Variants in SYT1 observed in about 807,000 individuals in gnomAD.
SYT1 encodes synaptotagmin 1.
In SYT1, 8 loss-of-function variants were observed where a neutral mutation model predicts 44.8. The ratio of observed to expected loss-of-function variants is 0.18; its 90% CI spans 0.10 to 0.32. SYT1 has a LOEUF of 0.32. Among genes scored for constraint, SYT1 ranks in the 10% least tolerant of loss-of-function variants. The probability of loss-of-function intolerance (pLI) is 1.00; values close to 1 mark genes in which losing one functional copy is unlikely to be tolerated. For synonymous variants in SYT1, 154 were observed against 188.8 expected (o/e 0.82, Z 1.51); for missense variants, 286 against 509.3 (o/e 0.56, Z 4.22).
chr12:79,444,722 A>C (rs1870609987), intron 10 of SYT1, among the ~76,000 whole-genome samples: 1 of 152,158 alleles, frequency 6.6e-6, no homozygotes, highest in Non-Finnish European at 1.5e-5. Context: ...TCTGAGTTGG[A>C]ATGGATGGCT....
At chr12:79,114,951 T>C (rs1290526592) in intron 3 of SYT1, among the ~76,000 whole-genome samples, 3 of 152,204 alleles carry the variant, frequency 2.0e-5, no homozygotes, top group African/African-American at 7.2e-5. Flanking sequence ...TGTTAGTATA[T>C]GCAATTATTC....
chr12:79,056,616 G>A (rs1874965218), intron 3 of SYT1, among the ~76,000 whole-genome samples: 1 of 151,966 alleles, frequency 6.6e-6, no homozygotes, highest in Admixed American at 6.6e-5. Flanking sequence ...CCAAACTCTA[G>A]ACTGAACAGA....
chr12:79,121,603 C>T (rs61927272), intron 3 of SYT1, among the ~76,000 whole-genome samples: 12,840 of 152,252 alleles, frequency 0.084, 617 homozygotes, highest in Middle Eastern at 0.12. Context: ...CACCCCATAA[C>T]CTGCTCCCAT....
chr12:79,003,025 A>T (rs535050478), intron 2 of SYT1, among the ~76,000 whole-genome samples: 2 of 152,170 alleles, frequency 1.3e-5, no homozygotes, highest in East Asian at 1.9e-4. Flanking sequence ...TGTTTAACAG[A>T]TCACAACAAT....
intron 3 of SYT1, among the ~76,000 whole-genome samples, chr12:79,092,181 T>C (rs1364978359): frequency 6.6e-6 from 1 of 151,896 alleles, no homozygotes; most frequent in Non-Finnish European, 1.5e-5. Context: ...TAATTATTTA[T>C]CCAAGATATC....
At chr12:79,217,810 G>T in intron 4 of SYT1, 125 bp downstream of exon 4, 2 of 647,280 alleles carry the variant, frequency 3.1e-6, no homozygotes, top group East Asian at 3.4e-5. Context: ...CTATGGGAAT[G>T]ATAGTATCCC....
chr12:79,082,299 C>T (rs919518196), intron 3 of SYT1, among the ~76,000 whole-genome samples: 24 of 152,108 alleles, frequency 1.6e-4, no homozygotes, highest in African/African-American at 5.8e-4. Flanking sequence ...ACCCATCTCC[C>T]ACTCAACAGT....
chr12:79,030,011 G>A (rs1872740494), intron 2 of SYT1, among the ~76,000 whole-genome samples: 1 of 150,894 alleles, frequency 6.6e-6, no homozygotes, highest in Admixed American at 6.6e-5. Flanking sequence ...AGTCAATCAT[G>A]TTTTCTCTTC....
chr12:78,990,205 C>CT (rs1869924388), intron 2 of SYT1, among the ~76,000 whole-genome samples: 3 of 152,198 alleles, frequency 2.0e-5, no homozygotes, highest in South Asian at 4.1e-4. Flanking sequence ...TGTGAGAGGG[C>CT]TTAATGGGTA....
chr12:79,041,571 C>G (rs1240229661), intron 2 of SYT1, among the ~76,000 whole-genome samples: 1 of 152,192 alleles, frequency 6.6e-6, no homozygotes, highest in African/African-American at 2.4e-5. Context: ...CGTCTGCAAA[C>G]AGGGACAGTT....
intron 3 of SYT1, among the ~76,000 whole-genome samples, chr12:79,192,924 A>G (rs943517125): frequency 1.3e-5 from 2 of 152,166 alleles, no homozygotes; most frequent in Non-Finnish European, 2.9e-5. Flanking sequence ...TGGATTCTCT[A>G]CAATCAAGTG....
At chr12:79,327,070 T>C (rs1031724139) in intron 8 of SYT1, among the ~76,000 whole-genome samples, 1 of 152,038 alleles carries the variant, frequency 6.6e-6, no homozygotes, top group Non-Finnish European at 1.5e-5. Flanking sequence ...AAACAAGAAC[T>C]GGATAATAAT....
intron 3 of SYT1, among the ~76,000 whole-genome samples, chr12:79,075,656 T>C (rs1876590776): frequency 6.6e-6 from 1 of 152,166 alleles, no homozygotes; most frequent in Non-Finnish European, 1.5e-5. Flanking sequence ...CTATTTGATC[T>C]TGAAGGTCAC....
rs114010154 is a variant in SYT1, at chr12:78,927,417, G to A, written c.-216-50382G>A. ...TTTCAACTTTCTAAACAATTGAACT[G>A]TAAATTTTACTGTAAGATTAGTGTG... On this transcript the variant is annotated intron_variant, in intron 1 of 10. Transcript: ENST00000261205. Among the ~76,000 whole-genome samples the A allele has an allele frequency of 1.1e-3, 174 of 152,180 alleles. 1 individual carries two copies. Among genetic ancestry groups the A allele is most frequent in the African/African-American group, 4.0e-3 (167 of 41,548 alleles).
chr12:79,449,083 G>A lies in SYT1; in HGVS notation c.1228G>A (p.Val410Ile), dbSNP rs752964530. The change falls in exon 11 of 11, where the codon GTA (valine) becomes ATA (isoleucine). Residue 410 changes from valine (V) to isoleucine (I), a missense_variant. This residue lies in a region of SYT1 where 34 missense variants were observed against 59.0 expected (regional missense o/e 0.58). Coordinates refer to ENST00000261205, the MANE Select transcript of SYT1 (RefSeq NM_005639.3). ...RPIAQWHTLQ[V>I]EEEVDAMLAV... The stretch of plus-strand genomic sequence containing the variant: ...TATTGCCCAGTGGCACACCCTGCAG[G>A]TAGAGGAGGAAGTTGATGCCATGCT... 5 of 1,613,984 alleles carry A rather than the reference G, an allele frequency of 3.1e-6. No individual in the cohort carries two copies. The highest frequency in any genetic ancestry group is 3.3e-5 in the Admixed American group (2 of 59,986).
intron 1 of SYT1, among the ~76,000 whole-genome samples, chr12:78,912,085 A>T (rs1280064531): frequency 1.3e-5 from 2 of 151,892 alleles, no homozygotes; most frequent in Non-Finnish European, 2.9e-5. Flanking sequence ...GGAAAATACA[A>T]TTTAGAATTG....
At chr12:79,153,373 A>G (rs1203449113) in intron 3 of SYT1, among the ~76,000 whole-genome samples, 1 of 152,180 alleles carries the variant, frequency 6.6e-6, no homozygotes, top group Non-Finnish European at 1.5e-5. Context: ...AAGAAGAGCC[A>G]TTGAACATGT....
chr12:79,233,539 A>G (rs1381689493), intron 4 of SYT1, among the ~76,000 whole-genome samples: 1 of 152,210 alleles, frequency 6.6e-6, no homozygotes, highest in Non-Finnish European at 1.5e-5. Context: ...ACAACCGTGG[A>G]TATCATTTGA....
intron 1 of SYT1, among the ~76,000 whole-genome samples, chr12:78,937,167 A>G (rs753852481): frequency 3.9e-5 from 6 of 152,180 alleles, no homozygotes; most frequent in Non-Finnish European, 7.4e-5. Context: ...AATTTAGTCA[A>G]GCTGAGGGGA....
Sources: allele counts gnomAD v4.1 joint callset (sites outside exome capture counted in the v4.1 genomes callset), GRCh38; gene constraint gnomAD v4.1.1; regional missense constraint gnomAD v4.1.1; transcripts MANE v1.5; gene names NCBI Gene and HGNC (gene_info 2026-07-23, HGNC 2026-07-21).